The following RBFOX1 variants were observed in gnomAD, a reference collection of about 807,000 sequenced individuals.
RBFOX1 encodes the protein RNA binding fox-1 homolog 1, also known as RNA binding protein fox-1 homolog 1.
Under a neutral mutation model 57.7 loss-of-function variants are expected in RBFOX1, and 8 were observed. The observed-to-expected ratio is 0.14, with a 90% confidence interval of 0.08 to 0.25. The LOEUF is 0.25. Ranked by LOEUF, RBFOX1 falls within the 10% of genes least tolerant of loss-of-function variation. The pLI is 1.00. For synonymous variants in RBFOX1, 326 were observed against 222.4 expected (o/e 1.47, Z -4.15); for missense variants, 611 against 548.5 (o/e 1.11, Z -1.14).
intron 3 of RBFOX1, among the ~76,000 whole-genome samples, chr16:6,965,304 T>C (rs1183787021): frequency 6.6e-6 from 1 of 150,638 alleles, no homozygotes; most frequent in Non-Finnish European, 1.5e-5. Flanking sequence ...TCCAATTTCC[T>C]TTTTCTTTTG....
intron 4 of RBFOX1, among the ~76,000 whole-genome samples, chr16:7,121,791 C>G (rs978348765): frequency 6.6e-6 from 1 of 151,574 alleles, no homozygotes; most frequent in African/African-American, 2.4e-5. Flanking sequence ...TTATATAAGC[C>G]TATAGAAGTA....
At chr16:6,057,272 G>T (rs1474335836) in intron 1 of RBFOX1, among the ~76,000 whole-genome samples, 1 of 151,888 alleles carries the variant, frequency 6.6e-6, no homozygotes, top group East Asian at 1.9e-4. Flanking sequence ...TTTATGTTGT[G>T]GAGGAAATAT....
chr16:5,449,153 C>T (rs1044374535), intron 1 of RBFOX1, among the ~76,000 whole-genome samples: 6 of 152,152 alleles, frequency 3.9e-5, no homozygotes, highest in Admixed American at 1.3e-4. Context: ...CACAAGGGGG[C>T]CTGGAGCATC....
chr16:5,738,753 C>T (rs1309013789), intron 3 of RBFOX1, among the ~76,000 whole-genome samples: 1 of 151,776 alleles, frequency 6.6e-6, no homozygotes, highest in Admixed American at 6.6e-5. Context: ...AGTGGGGGTG[C>T]ACAGCATGTG....
At chr16:6,548,788 A>G (rs977951233) in intron 2 of RBFOX1, among the ~76,000 whole-genome samples, 9 of 152,012 alleles carry the variant, frequency 5.9e-5, no homozygotes, top group African/African-American at 1.4e-4. Flanking sequence ...AGAAGTTAGC[A>G]TCCTTGGCTG....
At chr16:5,407,229 G>T (rs935000694) in intron 1 of RBFOX1, among the ~76,000 whole-genome samples, 3 of 152,096 alleles carry the variant, frequency 2.0e-5, no homozygotes, top group African/African-American at 7.2e-5. Flanking sequence ...GAACAGCATG[G>T]GGGAAACTGC....
chr16:6,081,252 C>T (rs1045514183), intron 1 of RBFOX1, among the ~76,000 whole-genome samples: 1 of 152,120 alleles, frequency 6.6e-6, no homozygotes, highest in Admixed American at 6.5e-5. Flanking sequence ...GTTAAAAGCG[C>T]CTACCCCTTT....
chr16:6,407,580 A>AGAGAGT (rs1179072051), intron 2 of RBFOX1, among the ~76,000 whole-genome samples: 1 of 137,232 alleles, frequency 7.3e-6, no homozygotes, highest in African/African-American at 3.2e-5. Context: ...AGAGAGAGAG[A>AGAGAGT]GAGAGAGAGA....
rs566285657 is a variant in RBFOX1, at chr16:5,660,454, T to C, written c.318+61493T>C. On this transcript the variant is annotated intron_variant, in intron 3 of 19. Coordinates refer to the RBFOX1 transcript ENST00000641259. The stretch of plus-strand genomic sequence containing the variant: ...GTCCTCTAGATGCTTGTCTCAGACC[T>C]GTGATTTCGTTATCAATGCAATGTG... Among the ~76,000 whole-genome samples the C allele has an allele frequency of 3.9e-5, 6 of 152,326 alleles. No individual in the cohort carries two copies. In the South Asian group the frequency reaches 1.2e-3, roughly 32 times the overall value.
At chr16:5,617,668 G>A (rs920356505) in intron 3 of RBFOX1, among the ~76,000 whole-genome samples, 1 of 152,202 alleles carries the variant, frequency 6.6e-6, no homozygotes. Flanking sequence ...AGTTGTTTCT[G>A]AGGACTATAC....
At chr16:5,553,898 C>T (rs1447209579) in intron 2 of RBFOX1, among the ~76,000 whole-genome samples, 1 of 151,462 alleles carries the variant, frequency 6.6e-6, no homozygotes, top group African/African-American at 2.4e-5. Context: ...GTGGATGGAT[C>T]AGAGATGTCT....
intron 3 of RBFOX1, among the ~76,000 whole-genome samples, chr16:6,881,476 G>A (rs1288823028): frequency 6.6e-6 from 1 of 152,146 alleles, no homozygotes; most frequent in African/African-American, 2.4e-5. Context: ...TCCGTGGCTT[G>A]TAGAGGGTCA....
intron 3 of RBFOX1, among the ~76,000 whole-genome samples, chr16:5,749,121 C>G (rs1028968403): frequency 2.0e-5 from 3 of 152,124 alleles, no homozygotes; most frequent in African/African-American, 7.2e-5. Context: ...ATTTCTCTTT[C>G]ACTTATGAAG....
At chr16:5,406,191 T>C (rs1180475559) in intron 1 of RBFOX1, among the ~76,000 whole-genome samples, 1 of 152,180 alleles carries the variant, frequency 6.6e-6, no homozygotes, top group African/African-American at 2.4e-5. Context: ...GATGCCCAGA[T>C]AGCTAGTTAA....
chr16:7,263,740 A>G (rs2095018466), intron 4 of RBFOX1, among the ~76,000 whole-genome samples: 2 of 151,962 alleles, frequency 1.3e-5, no homozygotes, highest in Admixed American at 6.6e-5. Context: ...TACTAAAAAT[A>G]CAAAAATTAG....
At chr16:5,680,760 A>G (rs2050307579) in intron 3 of RBFOX1, among the ~76,000 whole-genome samples, 1 of 152,172 alleles carries the variant, frequency 6.6e-6, no homozygotes, top group African/African-American at 2.4e-5. Context: ...TGCCTATGAT[A>G]AGATGGTTTA....
At chr16:7,272,416 C>T (rs1021886196) in intron 4 of RBFOX1, among the ~76,000 whole-genome samples, 16 of 152,160 alleles carry the variant, frequency 1.1e-4, no homozygotes, top group Non-Finnish European at 2.2e-4. Context: ...AATTCCTGAC[C>T]TCAGTGATCC....
intron 4 of RBFOX1, among the ~76,000 whole-genome samples, chr16:7,127,461 A>G (rs992380650): frequency 2.0e-5 from 3 of 152,204 alleles, no homozygotes; most frequent in African/African-American, 7.2e-5. Context: ...GTAGGGAGAA[A>G]TAAATATGTT....
At chr16:7,233,405 C>T (rs2093611811) in intron 4 of RBFOX1, among the ~76,000 whole-genome samples, 1 of 152,138 alleles carries the variant, frequency 6.6e-6, no homozygotes, top group South Asian at 2.1e-4. Flanking sequence ...TAATTTTAAA[C>T]ATTGAGTTGC....
Sources: gnomAD v4.1 joint callset for allele counts (sites outside exome capture counted in the v4.1 genomes callset) on GRCh38, gnomAD v4.1.1 for gene constraint, MANE v1.5 for transcripts, NCBI Gene and HGNC (gene_info 2026-07-23, HGNC 2026-07-21) for gene names.